BARD1: variants seen among roughly 807,000 people sequenced by gnomAD.
BARD1 encodes the protein BRCA1 associated RING domain 1.
A neutral mutation model predicts 77.0 loss-of-function variants in BARD1; 73 were observed. The observed-to-expected ratio is 0.95, with a 90% confidence interval of 0.79 to 1.15. BARD1 has a LOEUF of 1.15. Ranked by LOEUF, BARD1 falls within the 50% of genes most tolerant of loss-of-function variation. The probability of loss-of-function intolerance (pLI) is 0.00; values close to 1 mark genes in which losing one functional copy is unlikely to be tolerated. For synonymous variants in BARD1, 384 were observed against 338.0 expected (o/e 1.14, Z -1.49); for missense variants, 993 against 938.8 (o/e 1.06, Z -0.75).
At chr2:214,768,568 G>A (rs1694322914) in intron 5 of BARD1, among the ~76,000 whole-genome samples, 1 of 46,522 alleles carries the variant, frequency 2.1e-5, no homozygotes. Flanking sequence ...CCTAATTTCT[G>A]GGCTGAATTT....
intron 4 of BARD1, among the ~76,000 whole-genome samples, chr2:214,770,269 A>C (rs3820727): frequency 0.39 from 58,833 of 152,086 alleles, 12,744 homozygotes; most frequent in Non-Finnish European, 0.47. Context: ...ATTATCAACT[A>C]ATTCAACTAT....
intron 4 of BARD1, among the ~76,000 whole-genome samples, chr2:214,774,377 T>G (rs1264214831): frequency 6.6e-6 from 1 of 152,204 alleles, no homozygotes; most frequent in Non-Finnish European, 1.5e-5. Flanking sequence ...TAACAAGACT[T>G]GAAAGTAAAG....
At chr2:214,806,586 T>C (rs537477970) in intron 1 of BARD1, among the ~76,000 whole-genome samples, 11 of 152,196 alleles carry the variant, frequency 7.2e-5, no homozygotes, top group Non-Finnish European at 1.6e-4. Flanking sequence ...TTAAAGCCCA[T>C]GTAAAGACCA....
At chr2:214,746,962 A>T (rs1693151650) in intron 7 of BARD1, among the ~76,000 whole-genome samples, 1 of 152,192 alleles carries the variant, frequency 6.6e-6, no homozygotes, top group African/African-American at 2.4e-5. Flanking sequence ...CTCATCTGAC[A>T]AAGGGCTAAT....
intron 2 of BARD1, among the ~76,000 whole-genome samples, chr2:214,796,469 C>T (rs894462625): frequency 8.5e-5 from 13 of 152,066 alleles, no homozygotes; most frequent in Admixed American, 5.9e-4. Flanking sequence ...AGGAAGAATG[C>T]CAGGTGTACA....
At chr2:214,733,821 T>C (rs1453507847) in intron 9 of BARD1, among the ~76,000 whole-genome samples, 1 of 152,184 alleles carries the variant, frequency 6.6e-6, no homozygotes, top group East Asian at 1.9e-4. Flanking sequence ...AATCATGGTA[T>C]ATCTAATAAC....
At chr2:214,771,962 T>C (rs1318798211) in intron 4 of BARD1, among the ~76,000 whole-genome samples, 1 of 146,652 alleles carries the variant, frequency 6.8e-6, no homozygotes, top group Non-Finnish European at 1.5e-5. Context: ...TTCCCAGATT[T>C]CTTAACAGTG....
intron 9 of BARD1, among the ~76,000 whole-genome samples, chr2:214,735,291 A>C (rs1205549645): frequency 6.6e-6 from 1 of 152,162 alleles, no homozygotes; most frequent in African/African-American, 2.4e-5. Flanking sequence ...AAAATGCAAA[A>C]AACATGGCAT....
At chr2:214,739,081 C>T (rs1037816511) in intron 9 of BARD1, among the ~76,000 whole-genome samples, 2 of 151,984 alleles carry the variant, frequency 1.3e-5, no homozygotes, top group Non-Finnish European at 2.9e-5. Context: ...CCCAGGAGTT[C>T]ATGGCTGCAA....
intron 2 of BARD1, among the ~76,000 whole-genome samples, chr2:214,796,429 A>C (rs1200838998): frequency 6.6e-6 from 1 of 152,226 alleles, no homozygotes; most frequent in Non-Finnish European, 1.5e-5. Context: ...TGAAAAGAGG[A>C]AATTTGACAC....
chr2:214,751,107 GTGTGTGTGTGTATATATATA>G (rs1467336560), intron 7 of BARD1, among the ~76,000 whole-genome samples: 8 of 10,256 alleles, frequency 7.8e-4, no homozygotes, highest in East Asian at 3.2e-3. Context: ...GTGTGTGTGT[GTGTGTGTGTGTATATATATA>G]TATATATATA....
At chr2:214,756,157 T>A (rs1181155269) in intron 6 of BARD1, among the ~76,000 whole-genome samples, 1 of 152,182 alleles carries the variant, frequency 6.6e-6, no homozygotes, top group African/African-American at 2.4e-5. Context: ...GGGAAGTGAC[T>A]GGATCATGGG....
intron 1 of BARD1, among the ~76,000 whole-genome samples, chr2:214,804,519 C>A (rs1205304284): frequency 6.6e-6 from 1 of 152,138 alleles, no homozygotes; most frequent in Non-Finnish European, 1.5e-5. Flanking sequence ...AGCTGAACAC[C>A]AATGATTTGT....
In BARD1 at chr2:214,780,819, AC is replaced by A; in HGVS notation, c.1054del (p.Val352CysfsTer48). On this transcript the variant is annotated frameshift_variant, in exon 4 of 11. Transcript: ENST00000260947. LOFTEE classifies it high-confidence loss of function. ...AGGCAATGGTATATTTTCTGAGGGC[AC>A]CGTTTGCTTAACAAAATCTCCACTG... ...STSGDFVKQT[V>X]PSENIPLPEC... 6.2e-7 allele frequency: 1 copy of A among 1,614,096 alleles called. No individual in the cohort carries two copies.
intron 1 of BARD1, among the ~76,000 whole-genome samples, chr2:214,804,617 A>G (rs1254306821): frequency 6.6e-6 from 1 of 152,206 alleles, no homozygotes; most frequent in Non-Finnish European, 1.5e-5. Context: ...CAAATCAACG[A>G]GTCCATTTTC....
intron 6 of BARD1, among the ~76,000 whole-genome samples, chr2:214,758,232 G>A (rs1305913627): frequency 6.6e-6 from 1 of 152,118 alleles, no homozygotes; most frequent in Non-Finnish European, 1.5e-5. Flanking sequence ...GACTTTACAC[G>A]AATTACTTAA....
intron 4 of BARD1, among the ~76,000 whole-genome samples, chr2:214,775,017 A>G (rs1694676774): frequency 1.3e-5 from 2 of 152,188 alleles, no homozygotes; most frequent in African/African-American, 4.8e-5. Context: ...GTTTTGCTTA[A>G]GGAAATGTGG....
intron 9 of BARD1, among the ~76,000 whole-genome samples, chr2:214,742,653 A>G (rs922347334): frequency 3.5e-4 from 54 of 152,216 alleles, no homozygotes; most frequent in African/African-American, 1.2e-3. Context: ...CAGTGGTTCT[A>G]TAAAAACGAC....
At chr2:214,751,560 C>T (rs1326298439) in intron 7 of BARD1, among the ~76,000 whole-genome samples, 3 of 152,022 alleles carry the variant, frequency 2.0e-5, no homozygotes, top group Non-Finnish European at 2.9e-5. Flanking sequence ...TTACAATGTA[C>T]AGTAAAAGTT....
Sources: gnomAD v4.1 joint callset for allele counts (sites outside exome capture counted in the v4.1 genomes callset) on GRCh38, gnomAD v4.1.1 for gene constraint, MANE v1.5 for transcripts, NCBI Gene and HGNC (gene_info 2026-07-23, HGNC 2026-07-21) for gene names.